SGCD: variants seen among roughly 807,000 people sequenced by gnomAD.
SGCD encodes the protein delta-sarcoglycan.
Under a neutral mutation model 36.6 loss-of-function variants are expected in SGCD, and 18 were observed. The ratio of observed to expected loss-of-function variants is 0.49; its 90% CI spans 0.34 to 0.73. The LOEUF (loss-of-function observed/expected upper bound fraction) is 0.73. SGCD is among the 30% of genes least tolerant of loss of function. The pLI is 0.01. For missense variants in SGCD, 387 were observed against 346.7 expected (o/e 1.12, Z -0.92); for synonymous variants, 133 against 130.6 (o/e 1.02, Z -0.12).
At chr5:155,890,665 T>TAGAC (rs1459276348) in intron 1 of SGCD, among the ~76,000 whole-genome samples, 2 of 150,572 alleles carry the variant, frequency 1.3e-5, no homozygotes, top group Non-Finnish European at 2.9e-5. Flanking sequence ...GATAGATAGA[T>TAGAC]AGATAGATAG....
intron 3 of SGCD, among the ~76,000 whole-genome samples, chr5:156,139,811 T>C (rs1404535868): frequency 6.6e-6 from 1 of 152,214 alleles, no homozygotes; most frequent in Non-Finnish European, 1.5e-5. Context: ...CCAAAATTCA[T>C]GTTGGAAGTT....
At chr5:156,509,790 G>A (rs1399450778) in intron 4 of SGCD, among the ~76,000 whole-genome samples, 1 of 152,158 alleles carries the variant, frequency 6.6e-6, no homozygotes, top group Non-Finnish European at 1.5e-5. Flanking sequence ...TCCAAGTTGT[G>A]TGGGTTTCTT....
At chr5:156,353,912 G>C (rs1357938476) in intron 3 of SGCD, among the ~76,000 whole-genome samples, 4 of 152,288 alleles carry the variant, frequency 2.6e-5, no homozygotes, top group African/African-American at 9.6e-5. Context: ...TAAAGCATCA[G>C]GGATGATTTG....
chr5:156,261,845 T>C (rs1331441946), intron 3 of SGCD, among the ~76,000 whole-genome samples: 1 of 152,124 alleles, frequency 6.6e-6, no homozygotes, highest in African/African-American at 2.4e-5. Flanking sequence ...TGTCTTAGTT[T>C]TTAACAAGAA....
At chr5:156,416,149 A>T (rs1447685999) in intron 3 of SGCD, among the ~76,000 whole-genome samples, 1 of 152,212 alleles carries the variant, frequency 6.6e-6, no homozygotes, top group African/African-American at 2.4e-5. Context: ...GGATAAAGGA[A>T]ATGTAGTATA....
At chr5:156,166,825 A>G (rs1763226904) in intron 3 of SGCD, among the ~76,000 whole-genome samples, 1 of 152,210 alleles carries the variant, frequency 6.6e-6, no homozygotes, top group Non-Finnish European at 1.5e-5. Context: ...ACTCAGTCAC[A>G]TCTAGAAATA....
upstream of SGCD, among the ~76,000 whole-genome samples, chr5:155,867,745 T>A (rs934744092): frequency 1.3e-5 from 2 of 152,248 alleles, no homozygotes; most frequent in African/African-American, 4.8e-5. Flanking sequence ...TGATAATGGC[T>A]AACACTTAGT....
intron 3 of SGCD, among the ~76,000 whole-genome samples, chr5:156,490,235 T>A (rs1755875184): frequency 6.6e-6 from 1 of 151,988 alleles, no homozygotes; most frequent in Non-Finnish European, 1.5e-5. Context: ...CTAACAAAGA[T>A]GAGCCCAGGA....
intron 3 of SGCD, among the ~76,000 whole-genome samples, chr5:156,302,031 A>T (rs545757471): frequency 6.6e-6 from 1 of 152,052 alleles, no homozygotes; most frequent in Non-Finnish European, 1.5e-5. Context: ...AGCTTCTTGT[A>T]CTTGAATATT....
chr5:156,558,506 G>A (rs1460600755), intron 4 of SGCD, among the ~76,000 whole-genome samples: 3 of 152,022 alleles, frequency 2.0e-5, no homozygotes, highest in African/African-American at 2.4e-5. Flanking sequence ...CCTTCATGCA[G>A]ATAACCAATT....
chr5:155,742,154 GT>G, the SGCD span, among the ~76,000 whole-genome samples: 1 of 152,096 alleles, frequency 6.6e-6, no homozygotes, highest in Non-Finnish European at 1.5e-5. Context: ...TTAAATTAGG[GT>G]TTTAAGAAGG....
intron 5 of SGCD, among the ~76,000 whole-genome samples, chr5:156,590,329 G>A (rs947581723): frequency 2.0e-5 from 3 of 152,134 alleles, no homozygotes; most frequent in East Asian, 1.9e-4. Flanking sequence ...GCATGTAGAT[G>A]TCTAGAGATT....
At chr5:155,801,103 A>G in the SGCD span, among the ~76,000 whole-genome samples, 2 of 152,116 alleles carry the variant, frequency 1.3e-5, no homozygotes, top group Non-Finnish European at 2.9e-5. Context: ...ATTGGAACTG[A>G]TCCACCTCTC....
At chr5:156,062,396 T>G (rs1760238579) in intron 1 of SGCD, among the ~76,000 whole-genome samples, 1 of 79,286 alleles carries the variant, frequency 1.3e-5, no homozygotes, top group African/African-American at 7.2e-5. Flanking sequence ...TAAACATACG[T>G]GTGCATGTGT....
At chr5:156,321,973 C>T (rs547228414), upstream of SGCD, among the ~76,000 whole-genome samples, 24 of 152,258 alleles carry the variant, frequency 1.6e-4, no homozygotes, top group Non-Finnish European at 3.2e-4. Flanking sequence ...TCCCGATGAA[C>T]GCCTCTTTTC....
rs148023729 is a variant in SGCD, at chr5:156,512,087, C to T, written c.294+3385C>T. 3.5e-3 allele frequency among the ~76,000 whole-genome samples: 521 copies of T among 149,366 alleles called. 4 individuals carry two copies. The highest frequency in any genetic ancestry group is 0.012 in the African/African-American group (488 of 40,722). ...CGGGCAGCTGTAATCCCAGCTATTC[C>T]GGAGACTGAGGCAGGAGAATCACTT... On this transcript the variant is annotated intron_variant, in intron 4 of 8. Transcript: ENST00000337851.
At chr5:155,925,882 G>T (rs955982500) in intron 1 of SGCD, among the ~76,000 whole-genome samples, 3 of 151,918 alleles carry the variant, frequency 2.0e-5, no homozygotes, top group African/African-American at 4.8e-5. Flanking sequence ...CTCCCAAAGT[G>T]CTGGGAGTAC....
chr5:156,029,991 C>T (rs1759310376), intron 1 of SGCD, among the ~76,000 whole-genome samples: 1 of 152,126 alleles, frequency 6.6e-6, no homozygotes, highest in South Asian at 2.1e-4. Context: ...CCTCACCTCC[C>T]AATTTCCCAC....
chr5:156,764,818 CA>C lies in SGCD; in HGVS notation c.*5430del, dbSNP rs1053783221. The stretch of plus-strand genomic sequence containing the variant: ...CATCAATAAACAGTCTCAAACCTTC[CA>C]ACAACAGTGCTCACTGCTGCTCCTC... On this transcript the variant is annotated 3_prime_UTR_variant, in exon 9 of 9. Transcript: ENST00000337851. 9 of 152,166 alleles carry C rather than the reference CA, an allele frequency of 5.9e-5. No homozygotes were observed. Among genetic ancestry groups the C allele is most frequent in the Non-Finnish European group, 1.3e-4 (9 of 68,034 alleles). 9.4% of individuals were successfully genotyped at this position (152,166 alleles called of 1,614,324 possible).
Sources: gnomAD v4.1 joint callset for allele counts (sites outside exome capture counted in the v4.1 genomes callset) on GRCh38, gnomAD v4.1.1 for gene constraint, MANE v1.5 for transcripts, NCBI Gene and HGNC (gene_info 2026-07-23, HGNC 2026-07-21) for gene names.